The following DACH2 variants were observed in gnomAD, a reference collection of about 807,000 sequenced individuals.
DACH2 encodes dachshund family transcription factor 2.
In DACH2, 17 loss-of-function variants were observed where a neutral mutation model predicts 35.8. The observed-to-expected ratio is 0.48, with a 90% confidence interval of 0.33 to 0.71. The LOEUF is 0.71. DACH2 is among the 30% of genes least tolerant of loss of function. The pLI, the probability that DACH2 is intolerant of heterozygous loss-of-function variation, is 0.02. For missense variants in DACH2, 469 were observed against 472.7 expected (o/e 0.99, Z 0.07); for synonymous variants, 195 against 177.3 (o/e 1.10, Z -0.79).
At chrX:86,393,996 C>A (rs1211710081) in intron 2 of DACH2, among the ~76,000 whole-genome samples, 1 of 102,453 alleles carries the variant, frequency 9.8e-6, no homozygotes, top group African/African-American at 3.5e-5. Flanking sequence ...CTTTTTTTTC[C>A]TTTGTCTCTG....
intron 1 of DACH2, among the ~76,000 whole-genome samples, chrX:86,271,979 C>T (rs2033820758): frequency 9.0e-6 from 1 of 111,051 alleles, no homozygotes; most frequent in South Asian, 3.7e-4. Flanking sequence ...TCCCTCACTC[C>T]CTGCCCAGCT....
chrX:86,436,853 A>G (rs763461006), intron 2 of DACH2, among the ~76,000 whole-genome samples: 4 of 111,689 alleles, frequency 3.6e-5, no homozygotes, highest in African/African-American at 6.5e-5. Flanking sequence ...TACTTCTTCT[A>G]TGAAATTTGG....
At chrX:86,462,531 C>A (rs2037593355) in intron 2 of DACH2, among the ~76,000 whole-genome samples, 1 of 111,351 alleles carries the variant, frequency 9.0e-6, no homozygotes, top group Non-Finnish European at 1.9e-5. Context: ...TTCTTCATTC[C>A]TTTTTGCAAA....
intron 1 of DACH2, among the ~76,000 whole-genome samples, chrX:86,289,777 T>A (rs1486153664): frequency 9.1e-6 from 1 of 109,626 alleles, no homozygotes; most frequent in Non-Finnish European, 1.9e-5. Context: ...CTGCATAGTA[T>A]CCCATGGTGT....
chrX:86,295,069 C>A (rs1385948711), intron 1 of DACH2, among the ~76,000 whole-genome samples: 3 of 112,739 alleles, frequency 2.7e-5, no homozygotes, highest in Non-Finnish European at 5.6e-5. Flanking sequence ...TAGCAATCAG[C>A]CAGACTCCGT....
rs769438888 is a variant in DACH2 at position 86,400,052 on chromosome X, C to A, written c.527+23190C>A. 1.2e-3 allele frequency among the ~76,000 whole-genome samples: 129 copies of A among 111,450 alleles called. 1 individual carries two copies. Among genetic ancestry groups the A allele is most frequent in the Admixed American group, 3.7e-3 (39 of 10,522 alleles). On this transcript the variant is annotated intron_variant, in intron 2 of 11. Coordinates refer to ENST00000373125, the MANE Select transcript of DACH2 (RefSeq NM_053281.3). ...GTAGATTTGGTCTTTTCACATAGTC[C>A]CATATTTCTTGGAGGCTTTGTTCAT...
chrX:86,412,691 T>C (rs1209244160), intron 2 of DACH2, among the ~76,000 whole-genome samples: 1 of 111,653 alleles, frequency 9.0e-6, no homozygotes, highest in African/African-American at 3.3e-5. Flanking sequence ...GGCAGGGCCT[T>C]ACTTCAAAAT....
intron 1 of DACH2, among the ~76,000 whole-genome samples, chrX:86,314,144 C>A (rs780583184): frequency 2.7e-5 from 3 of 110,191 alleles, no homozygotes; most frequent in African/African-American, 9.9e-5. Context: ...GTATTAATAC[C>A]AGGCCAATTA....
At chrX:86,200,683 A>C (rs1327136033) in intron 1 of DACH2, among the ~76,000 whole-genome samples, 1 of 110,813 alleles carries the variant, frequency 9.0e-6, no homozygotes, top group African/African-American at 3.3e-5. Flanking sequence ...GCATATGAAA[A>C]AAAGCTCAAA....
At chrX:86,457,197 C>T (rs1308305209) in intron 2 of DACH2, among the ~76,000 whole-genome samples, 1 of 111,639 alleles carries the variant, frequency 9.0e-6, no homozygotes, top group Non-Finnish European at 1.9e-5. Context: ...AAAGTAGAAG[C>T]AGTAAGAATG....
intron 1 of DACH2, among the ~76,000 whole-genome samples, chrX:86,373,070 C>T (rs1342262188): frequency 4.5e-5 from 5 of 110,874 alleles, no homozygotes; most frequent in African/African-American, 9.8e-5. Flanking sequence ...TTATTCATTC[C>T]CTGTTGCTAG....
chrX:86,295,199 C>A (rs2034421247), intron 1 of DACH2, among the ~76,000 whole-genome samples: 1 of 96,743 alleles, frequency 1.0e-5, no homozygotes. Flanking sequence ...CGTCTGTCAC[C>A]CCTTTCTTTG....
intron 7 of DACH2, among the ~76,000 whole-genome samples, chrX:86,802,300 C>T (rs1864909387): frequency 9.0e-6 from 1 of 110,712 alleles, no homozygotes; most frequent in South Asian, 3.8e-4. Flanking sequence ...AAAAGACTTT[C>T]AGTGCATTCT....
At chrX:86,829,127 C>T (rs2042588946) in intron 11 of DACH2, 1 of 111,785 alleles carries the variant, frequency 8.9e-6, no homozygotes, top group African/African-American at 3.2e-5. Flanking sequence ...TAATTCCAAG[C>T]TCTGAAGGAA....
intron 2 of DACH2, among the ~76,000 whole-genome samples, chrX:86,397,018 G>T (rs866089355): frequency 9.0e-6 from 1 of 110,884 alleles, no homozygotes; most frequent in Non-Finnish European, 1.9e-5. Context: ...CTTCCTACCC[G>T]TGAGCATGGA....
intron 7 of DACH2, chrX:86,742,695 A>C (rs1228426778): frequency 3.3e-6 from 1 of 300,035 alleles, no homozygotes; most frequent in African/African-American, 2.7e-5. Flanking sequence ...ATAATGGACT[A>C]ACCATCAAAA....
chrX:86,396,982 G>A (rs1344142239), intron 2 of DACH2, among the ~76,000 whole-genome samples: 4 of 111,165 alleles, frequency 3.6e-5, no homozygotes, highest in African/African-American at 9.8e-5. Flanking sequence ...ACCTTGGGCA[G>A]TATGGCCATT....
At chrX:86,563,076 G>C (rs187691956) in intron 3 of DACH2, among the ~76,000 whole-genome samples, 1 of 110,297 alleles carries the variant, frequency 9.1e-6, no homozygotes, top group Admixed American at 9.7e-5. Context: ...TCTTAAGAAA[G>C]GAGTGAGGGA....
chrX:86,403,976 G>A (rs946652087), intron 2 of DACH2, among the ~76,000 whole-genome samples: 2 of 109,475 alleles, frequency 1.8e-5, no homozygotes, highest in Non-Finnish European at 3.8e-5. Context: ...CAAAGTGGGG[G>A]CAAAGTTTTT....
Sources: allele counts gnomAD v4.1 joint callset (sites outside exome capture counted in the v4.1 genomes callset), GRCh38; gene constraint gnomAD v4.1.1; transcripts MANE v1.5; gene names NCBI Gene and HGNC (gene_info 2026-07-23, HGNC 2026-07-21).